FGF12: variants seen among roughly 807,000 people sequenced by gnomAD.
FGF12 encodes fibroblast growth factor 12B.
In FGF12, 14 loss-of-function variants were observed where a neutral mutation model predicts 23.6. The ratio of observed to expected loss-of-function variants is 0.59; its 90% CI spans 0.39 to 0.93. The LOEUF (loss-of-function observed/expected upper bound fraction) is 0.93, where lower values mean the gene tolerates loss of function less well. Ranked by LOEUF, FGF12 falls within the 40% of genes least tolerant of loss-of-function variation. The pLI, the probability that FGF12 is intolerant of heterozygous loss-of-function variation, is 0.00. For missense variants in FGF12, 175 were observed against 217.8 expected, an observed-to-expected ratio of 0.80 and a Z score of 1.24; for synonymous variants, 62 against 77.3, an observed-to-expected ratio of 0.80 and a Z score of 1.04.
intron 4 of FGF12, among the ~76,000 whole-genome samples, chr3:192,246,824 A>C (rs1296602815): frequency 8.0e-6 from 1 of 124,726 alleles, no homozygotes; most frequent in East Asian, 2.1e-4. Flanking sequence ...AAACTCCGTC[A>C]AAAAAAAAAA....
At chr3:192,466,149 AC>A (rs1035791924) in intron 2 of FGF12, among the ~76,000 whole-genome samples, 1 of 152,220 alleles carries the variant, frequency 6.6e-6, no homozygotes, top group African/African-American at 2.4e-5. Flanking sequence ...ACTTAACACC[AC>A]AGCTGATTGT....
intron 2 of FGF12, among the ~76,000 whole-genome samples, chr3:192,586,450 T>A (rs989239119): frequency 1.3e-5 from 2 of 152,120 alleles, no homozygotes; most frequent in African/African-American, 4.8e-5. Flanking sequence ...AATGAAAGAA[T>A]GTAAATAAAG....
chr3:192,268,624 T>C (rs544685917), intron 4 of FGF12: 1 of 423,566 alleles, frequency 2.4e-6, no homozygotes, highest in East Asian at 8.1e-5. Context: ...TCCCCTGCAT[T>C]GCTCCTGATT....
intron 2 of FGF12, among the ~76,000 whole-genome samples, chr3:192,392,411 TAA>T (rs1353161491): frequency 2.1e-5 from 2 of 93,270 alleles, no homozygotes; most frequent in African/African-American, 4.5e-5. Context: ...CTACTAAAAA[TAA>T]AAAATAAATA....
intron 2 of FGF12, among the ~76,000 whole-genome samples, chr3:192,694,004 A>G (rs937619891): frequency 6.6e-6 from 1 of 152,188 alleles, no homozygotes; most frequent in Non-Finnish European, 1.5e-5. Flanking sequence ...TGAACCATGT[A>G]TCTGATAAGG....
chr3:192,458,009 A>T (rs1722732878), intron 2 of FGF12, among the ~76,000 whole-genome samples: 1 of 152,218 alleles, frequency 6.6e-6, no homozygotes, highest in Admixed American at 6.5e-5. Flanking sequence ...GTGGCTTCAG[A>T]GGGTGGAATC....
intron 2 of FGF12, among the ~76,000 whole-genome samples, chr3:192,561,934 G>T (rs1341668324): frequency 6.7e-6 from 1 of 149,102 alleles, no homozygotes; most frequent in African/African-American, 2.5e-5. Flanking sequence ...AAAAAAAAAA[G>T]AAAATGACTT....
intron 2 of FGF12, among the ~76,000 whole-genome samples, chr3:192,652,563 A>T (rs1438551655): frequency 6.6e-6 from 1 of 152,226 alleles, no homozygotes; most frequent in Admixed American, 6.5e-5. Flanking sequence ...AATATCCTTA[A>T]GAACGGTTCT....
intron 2 of FGF12, among the ~76,000 whole-genome samples, chr3:192,684,088 A>G (rs993472305): frequency 6.6e-6 from 1 of 152,134 alleles, no homozygotes; most frequent in Non-Finnish European, 1.5e-5. Context: ...TCTCGATGCA[A>G]CATCTTAGAA....
chr3:192,455,081 A>G (rs1722639300), intron 2 of FGF12, among the ~76,000 whole-genome samples: 1 of 152,184 alleles, frequency 6.6e-6, no homozygotes, highest in Non-Finnish European at 1.5e-5. Flanking sequence ...CTAACATCAA[A>G]GCTAAGCCAT....
chr3:192,302,527 T>G (rs1715403539), intron 4 of FGF12, among the ~76,000 whole-genome samples: 1 of 152,082 alleles, frequency 6.6e-6, no homozygotes, highest in Admixed American at 6.6e-5. Flanking sequence ...GATGTTGATG[T>G]TGGGGATTTA....
At chr3:192,675,200 A>G (rs1197387534) in intron 2 of FGF12, among the ~76,000 whole-genome samples, 2 of 152,108 alleles carry the variant, frequency 1.3e-5, no homozygotes, top group African/African-American at 4.8e-5. Context: ...GTCCCAGTAC[A>G]CTGCGGCAAC....
At chr3:192,727,345 A>C (rs1577144675) in intron 1 of FGF12, 22 bp from the exon 2 acceptor site, 1 of 1,535,082 alleles carries the variant, frequency 6.5e-7, no homozygotes, top group Admixed American at 2.0e-5. Context: ...GATTTCTTAA[A>C]CCTTGAAGCT....
intron 2 of FGF12, among the ~76,000 whole-genome samples, chr3:192,602,616 A>T (rs1014720925): frequency 6.6e-6 from 1 of 152,094 alleles, no homozygotes; most frequent in Non-Finnish European, 1.5e-5. Flanking sequence ...CAAAGTTTCA[A>T]TAGATACTTG....
chr3:192,694,470 T>C (rs1577125723), intron 2 of FGF12, among the ~76,000 whole-genome samples: 1 of 152,144 alleles, frequency 6.6e-6, no homozygotes, highest in South Asian at 2.1e-4. Context: ...TTATTCACAA[T>C]AGCCAAGATA....
chr3:192,659,402 C>G (rs932818872), intron 2 of FGF12, among the ~76,000 whole-genome samples: 1 of 152,190 alleles, frequency 6.6e-6, no homozygotes, highest in East Asian at 1.9e-4. Flanking sequence ...TCATCCCCAG[C>G]TGATGTGTAT....
intron 2 of FGF12, among the ~76,000 whole-genome samples, chr3:192,479,287 G>A (rs1279471065): frequency 6.6e-6 from 1 of 152,162 alleles, no homozygotes; most frequent in African/African-American, 2.4e-5. Context: ...GGCAGCAGTA[G>A]CAGCTATCTC....
chr3:192,489,594 C>T (rs926186796), intron 2 of FGF12, among the ~76,000 whole-genome samples: 5 of 151,966 alleles, frequency 3.3e-5, no homozygotes, highest in African/African-American at 9.7e-5. Flanking sequence ...GGGAAGAAGC[C>T]TTTGCAGGGA....
intron 2 of FGF12, among the ~76,000 whole-genome samples, chr3:192,472,358 G>A (rs1010330974): frequency 2.0e-5 from 3 of 152,050 alleles, no homozygotes; most frequent in Non-Finnish European, 2.9e-5. Context: ...CTTATTGTCC[G>A]TATTGGGTCA....
Sources: allele counts gnomAD v4.1 joint callset (sites outside exome capture counted in the v4.1 genomes callset), GRCh38; gene constraint gnomAD v4.1.1; transcripts MANE v1.5; gene names NCBI Gene and HGNC (gene_info 2026-07-23, HGNC 2026-07-21).